The following GNA11 variants were observed in gnomAD, a reference collection of about 807,000 sequenced individuals.
The protein encoded by GNA11 is G protein subunit alpha 11, also known as guanine nucleotide-binding protein subunit alpha-11.
A neutral mutation model predicts 38.2 loss-of-function variants in GNA11; 8 were observed. The ratio of observed to expected loss-of-function variants is 0.21; its 90% CI spans 0.12 to 0.38. The LOEUF is 0.38. Among genes scored for constraint, GNA11 ranks in the 10% least tolerant of loss-of-function variants. GNA11 has a pLI of 1.00. For missense variants in GNA11, 268 were observed against 516.3 expected (o/e 0.52, Z 4.66); for synonymous variants, 211 against 221.4 (o/e 0.95, Z 0.42).
At chr19:3,116,157 C>T (rs1476894745) in intron 4 of GNA11, among the ~76,000 whole-genome samples, 1 of 152,116 alleles carries the variant, frequency 6.6e-6, no homozygotes, top group Non-Finnish European at 1.5e-5. Context: ...CCTGGGGACC[C>T]TCAGTGGGTC....
intron 1 of GNA11, among the ~76,000 whole-genome samples, chr19:3,104,842 G>A (rs543814365): frequency 2.6e-5 from 4 of 152,330 alleles, no homozygotes; most frequent in Admixed American, 6.5e-5. Flanking sequence ...GGTGCTGGGC[G>A]CTTCCTGAAC....
At chr19:3,096,439 T>A (rs1464930515) in intron 1 of GNA11, among the ~76,000 whole-genome samples, 3 of 152,144 alleles carry the variant, frequency 2.0e-5, no homozygotes, top group Admixed American at 2.0e-4. Context: ...ACTGGTGTCA[T>A]AAAGATCTTA....
Position 3,119,471 on chromosome 19 carries a change from T to G in GNA11, c.889+112T>G. ...GCCGGGAGCTCTAAGGGAGGGCGTC[T>G]GATGGGAGGTGTCATGTATGGGAGT... On this transcript the variant is annotated intron_variant, in intron 6 of 6. Coordinates refer to ENST00000078429, the MANE Select transcript of GNA11 (RefSeq NM_002067.5). The surrounding 1 kb of genome is among the most constrained non-coding windows in gnomAD (Gnocchi z 4.6). The G allele has an allele frequency of 1.2e-6, 1 of 860,848 alleles. No homozygotes were observed. Among genetic ancestry groups the G allele is most frequent in the Non-Finnish European group, 1.8e-6 (1 of 566,280 alleles). The allele number at this position is 860,848 out of a possible 1,614,324, so 53.3% of individuals were successfully genotyped here.
intron 2 of GNA11, among the ~76,000 whole-genome samples, chr19:3,112,590 C>T (rs568330741): frequency 6.0e-4 from 92 of 152,376 alleles, no homozygotes; most frequent in Middle Eastern, 6.8e-3. Flanking sequence ...TGTGCAAGCA[C>T]GTGTCTGTGC....
chr19:3,105,965 G>A (rs954794470), intron 1 of GNA11, among the ~76,000 whole-genome samples: 2 of 152,316 alleles, frequency 1.3e-5, no homozygotes, highest in South Asian at 2.1e-4. Context: ...GCGGCATCTC[G>A]GAGGGGCTCA....
At chr19:3,112,484 T>C (rs889215482) in intron 2 of GNA11, among the ~76,000 whole-genome samples, 3 of 152,174 alleles carry the variant, frequency 2.0e-5, no homozygotes, top group Admixed American at 2.0e-4. Context: ...TGGCTGGTCA[T>C]GTCGGCCTGT....
intron 2 of GNA11, among the ~76,000 whole-genome samples, chr19:3,113,023 G>A (rs1250850749): frequency 1.3e-5 from 2 of 152,198 alleles, no homozygotes; most frequent in South Asian, 2.1e-4. Flanking sequence ...TGTTCTACAC[G>A]TGCTTGTTCC....
At position 3,110,306 on chromosome 19, in the gene GNA11, G is replaced by A; in HGVS notation, c.294G>A (p.Lys98=). The A allele has an allele frequency of 6.2e-7, 1 of 1,613,970 alleles. No homozygotes were observed. Among genetic ancestry groups the A allele is most frequent in the Non-Finnish European group, 8.5e-7 (1 of 1,179,910 alleles). ...TGATCCGGGCCATGGAGACGCTCAA[G>A]ATCCTCTACAAGTACGAGCAGAACA... ...QAMIRAMETL[K]ILYKYEQNKA... Residue 98 remains lysine, a synonymous_variant, in exon 2 of 7, where the codon AAG becomes AAA. Coordinates refer to ENST00000078429, the MANE Select transcript of GNA11 (RefSeq NM_002067.5). The surrounding 1 kb of genome is among the most constrained non-coding windows in gnomAD (Gnocchi z 5.4).
At chr19:3,099,032 G>A (rs1913440096) in intron 1 of GNA11, among the ~76,000 whole-genome samples, 1 of 152,228 alleles carries the variant, frequency 6.6e-6, no homozygotes, top group African/African-American at 2.4e-5. Flanking sequence ...CGGTGCTGTA[G>A]TGAGAGTGGA....
intron 4 of GNA11, 42 bp downstream of exon 4, chr19:3,115,114 G>A: frequency 6.3e-7 from 1 of 1,599,822 alleles, no homozygotes; most frequent in Non-Finnish European, 8.5e-7. Flanking sequence ...GGCACTGAGA[G>A]GCTCATTTGC....
intron 1 of GNA11, among the ~76,000 whole-genome samples, chr19:3,100,464 CT>C (rs1356142627): frequency 6.6e-6 from 1 of 152,218 alleles, no homozygotes; most frequent in African/African-American, 2.4e-5. Flanking sequence ...CTCAGAGATG[CT>C]TGGCGAGTGA....
At chr19:3,116,528 G>C (rs1913926796) in intron 4 of GNA11, among the ~76,000 whole-genome samples, 2 of 152,222 alleles carry the variant, frequency 1.3e-5, no homozygotes, top group Non-Finnish European at 1.5e-5. Flanking sequence ...TCCTCATGCA[G>C]CGTCCTCCCC....
chr19:3,122,948 C>G lies in GNA11; in HGVS notation c.*1769C>G, dbSNP rs571918485. 51 of 233,478 alleles carry G rather than the reference C, an allele frequency of 2.2e-4. No individual in the cohort carries two copies. The highest frequency in any genetic ancestry group is 3.9e-4 in the Non-Finnish European group (46 of 118,234). 14.5% of individuals were successfully genotyped at this position (233,478 alleles called of 1,614,324 possible). ...GGGAGACGGGGCTGGCGGGATACCC[C>G]CCCCCCGGCTTCCCCACACCACTTC... On this transcript the variant is annotated 3_prime_UTR_variant, in exon 7 of 7. Coordinates refer to ENST00000078429, the MANE Select transcript of GNA11 (RefSeq NM_002067.5). This position sits in a 1 kb window ranked among gnomAD's most constrained non-coding sequence, Gnocchi z 7.7.
intron 1 of GNA11, among the ~76,000 whole-genome samples, chr19:3,103,928 G>A (rs774744997): frequency 3.3e-5 from 5 of 151,962 alleles, no homozygotes; most frequent in African/African-American, 7.3e-5. Flanking sequence ...CTCGTGATCC[G>A]CCCACCTTGG....
rs1354261553 is a variant in GNA11 at position 3,110,456 on chromosome 19, G to A, written c.321+123G>A. 3 of 706,180 alleles carry A rather than the reference G, an allele frequency of 4.2e-6. No homozygotes were observed. Among genetic ancestry groups the A allele is most frequent in the Non-Finnish European group, 7.1e-6 (3 of 421,600 alleles). The allele number at this position is 706,180 out of a possible 1,614,324, so 43.7% of individuals were successfully genotyped here. A position where few individuals can be genotyped will look rare whatever the true frequency, so the allele number is the denominator to read the frequency against. The stretch of plus-strand genomic sequence containing the variant: ...GTCCCGGCCGGCCCAGGCTACCCCT[G>A]GTCATCCATCCGTTCCTGTCATGGA... On this transcript the variant is annotated intron_variant, in intron 2 of 6. Coordinates refer to ENST00000078429, the MANE Select transcript of GNA11 (RefSeq NM_002067.5). The surrounding 1 kb of genome is among the most constrained non-coding windows in gnomAD (Gnocchi z 5.4).
intron 4 of GNA11, 134 bp downstream of exon 4, chr19:3,115,206 C>T: frequency 1.0e-6 from 1 of 983,526 alleles, no homozygotes; most frequent in East Asian, 2.5e-5. Flanking sequence ...GAGTTTGAGA[C>T]CACCCTGGGC....
chr19:3,122,920 A>T lies in GNA11; in HGVS notation c.*1741A>T. 1 of 231,098 alleles carries T rather than the reference A, an allele frequency of 4.3e-6. No individual in the cohort carries two copies. The allele number at this position is 231,098 out of a possible 1,614,324, so 14.3% of individuals were successfully genotyped here. A position where few individuals can be genotyped will look rare whatever the true frequency, so the allele number is the denominator to read the frequency against. On this transcript the variant is annotated 3_prime_UTR_variant, in exon 7 of 7. Transcript: ENST00000078429. The surrounding 1 kb of genome is among the most constrained non-coding windows in gnomAD (Gnocchi z 7.7). Reference sequence around the variant, plus strand: ...AGCTACATTTCTGGTGATCAGCCCCATGGGGAGACGGGGCTGGCGGGATAC... The same window carrying T: ...AGCTACATTTCTGGTGATCAGCCCCTTGGGGAGACGGGGCTGGCGGGATAC...
chr19:3,122,185 C>A lies in GNA11; in HGVS notation c.*1006C>A, dbSNP rs916633601. 6.9e-5 allele frequency: 16 copies of A among 232,864 alleles called. No homozygotes were observed. Among genetic ancestry groups the A allele is most frequent in the Non-Finnish European group, 1.3e-4 (15 of 117,606 alleles). The allele number at this position is 232,864 out of a possible 1,614,324, so 14.4% of individuals were successfully genotyped here. On this transcript the variant is annotated 3_prime_UTR_variant, in exon 7 of 7. Transcript: ENST00000078429. This position sits in a 1 kb window ranked among gnomAD's most constrained non-coding sequence, Gnocchi z 7.7. ...TGTTTTGTTCCGCTTTGTGATGTCA[C>A]CAATTTGGAAACAGCGAGGGTGGGT...
chr19:3,099,535 C>A (rs1356786205), intron 1 of GNA11, among the ~76,000 whole-genome samples: 1 of 152,174 alleles, frequency 6.6e-6, no homozygotes, highest in Non-Finnish European at 1.5e-5. Flanking sequence ...TGTGGAGCAT[C>A]CCGCCCGGGG....
Sources: allele counts gnomAD v4.1 joint callset (sites outside exome capture counted in the v4.1 genomes callset), GRCh38; gene constraint gnomAD v4.1.1; non-coding constraint Gnocchi (gnomAD v3.1); transcripts MANE v1.5; gene names NCBI Gene and HGNC (gene_info 2026-07-23, HGNC 2026-07-21).